The following PPP2CA variants were observed in gnomAD, a reference collection of about 807,000 sequenced individuals.
The protein encoded by PPP2CA is serine/threonine-protein phosphatase 2A catalytic subunit alpha isoform.
PPP2CA carries 5 observed loss-of-function variants against 38.8 expected under a neutral mutation model. That is an observed-to-expected ratio of 0.13 (90% CI 0.07 to 0.27). The LOEUF is 0.27. Among genes scored for constraint, PPP2CA ranks in the 10% least tolerant of loss-of-function variants. The pLI is 1.00. For missense variants in PPP2CA, 88 were observed against 389.7 expected (o/e 0.23, Z 6.52); for synonymous variants, 152 against 134.0 (o/e 1.13, Z -0.93).
chr5:134,220,688 T>C lies in PPP2CA; in HGVS notation c.102+5072A>G, dbSNP rs1237434608. ...TGATAAAAGACCCCACCAAACCCAG[T>C]CTCTTAGTTTTCCTAACTTACCCCT... On this transcript the variant is annotated intron_variant, in intron 1 of 6. Coordinates refer to ENST00000481195, the MANE Select transcript of PPP2CA (RefSeq NM_002715.4). Among the ~76,000 whole-genome samples, 3 of 152,280 alleles carry C rather than the reference T, an allele frequency of 2.0e-5. No individual in the cohort carries two copies. In the East Asian group the frequency reaches 5.8e-4, roughly 29 times the overall value.
At chr5:134,218,864 T>C (rs1246557075) in intron 1 of PPP2CA, among the ~76,000 whole-genome samples, 1 of 151,900 alleles carries the variant, frequency 6.6e-6, no homozygotes, top group African/African-American at 2.4e-5. Flanking sequence ...AGAGACGGGG[T>C]TTCACCGTGC....
chr5:134,225,874 C>T lies in PPP2CA; in HGVS notation c.-13G>A, dbSNP rs1173606839. 26 of 1,602,920 alleles carry T rather than the reference C, an allele frequency of 1.6e-5. No individual in the cohort carries two copies. The highest frequency in any genetic ancestry group is 3.3e-4 in the Middle Eastern group (2 of 6,064). On this transcript the variant is annotated 5_prime_UTR_variant, in exon 1 of 7. Coordinates refer to ENST00000481195, the MANE Select transcript of PPP2CA (RefSeq NM_002715.4). ...CCTTCTCGTCCATGATGCCACCCGC[C>T]CCAGCCGGCTGCCGCTCCGCGCTGC... is the stretch of plus-strand genomic sequence containing the variant.
At position 134,201,986 on chromosome 5, in the gene PPP2CA, C is replaced by G. The variant is rs751813026; in HGVS notation, c.348G>C (p.Gly116=). 6.2e-7 allele frequency: 1 copy of G among 1,612,562 alleles called. No individual in the cohort carries two copies. The highest frequency in any genetic ancestry group is 8.5e-7 in the Non-Finnish European group (1 of 1,179,566). The change falls in exon 3 of 7, where the codon GGG becomes GGC. Residue 116 remains glycine (G), a synonymous_variant. Transcript: ENST00000481195. ...GTGTGATCTGTCTGCTCTCATGATT[C>G]CCTCGAAGAATGGTGATGCGTTCAC... ...RYRERITILR[G]NHESRQITQV...
chr5:134,224,183 A>AC (rs1277036345), intron 1 of PPP2CA: 2 of 430,278 alleles, frequency 4.6e-6, no homozygotes, highest in Non-Finnish European at 9.2e-6. Context: ...CATGTACAGT[A>AC]CCTAGAAATT....
intron 5 of PPP2CA, among the ~76,000 whole-genome samples, chr5:134,199,733 T>C (rs999558654): frequency 4.6e-5 from 7 of 152,170 alleles, no homozygotes; most frequent in Non-Finnish European, 8.8e-5. Flanking sequence ...TTCCTCAAAG[T>C]CCATCCACCT....
chr5:134,225,395 G>C (rs1762548755), intron 1 of PPP2CA: 1 of 211,230 alleles, frequency 4.7e-6, no homozygotes, highest in Non-Finnish European at 9.6e-6. Flanking sequence ...GCCCACCGGA[G>C]AGGCCCAGGC....
chr5:134,223,246 G>T (rs1322102914), intron 1 of PPP2CA, among the ~76,000 whole-genome samples: 4 of 151,896 alleles, frequency 2.6e-5, no homozygotes, highest in Admixed American at 2.6e-4. Flanking sequence ...TCTTTAGAAG[G>T]CAATCACACC....
intron 1 of PPP2CA, among the ~76,000 whole-genome samples, chr5:134,218,985 A>G (rs71587522): frequency 0.031 from 4,678 of 152,216 alleles, 86 homozygotes; most frequent in Non-Finnish European, 0.047. Context: ...GATGGTCTTT[A>G]AGGTTGATTC....
intron 1 of PPP2CA, among the ~76,000 whole-genome samples, chr5:134,213,202 T>C (rs1268016168): frequency 6.6e-6 from 1 of 152,162 alleles, no homozygotes; most frequent in Non-Finnish European, 1.5e-5. Context: ...GGCTGACTCT[T>C]GTTAGAGGCT....
chr5:134,224,180 A>G (rs1253618290), intron 1 of PPP2CA: 4 of 425,858 alleles, frequency 9.4e-6, no homozygotes, highest in South Asian at 1.7e-5. Context: ...CATCATGTAC[A>G]GTACCTAGAA....
chr5:134,224,218 T>A (rs1762509962), intron 1 of PPP2CA: 1 of 448,170 alleles, frequency 2.2e-6, no homozygotes, highest in African/African-American at 2.0e-5. Context: ...TACATTCATT[T>A]TTAAAGGCCA....
chr5:134,213,416 GA>G (rs56697097), intron 1 of PPP2CA, among the ~76,000 whole-genome samples: 10 of 148,092 alleles, frequency 6.8e-5, no homozygotes, highest in Admixed American at 2.0e-4. Context: ...CTACTGCTCA[GA>G]AAAAAAAAAA....
Position 134,196,962 on chromosome 5 carries a change from G to C in PPP2CA, c.*810C>G, listed in dbSNP as rs769903010. On this transcript the variant is annotated 3_prime_UTR_variant, in exon 7 of 7. Transcript: ENST00000481195. ...AAGAATGTCAAGGAGTTACCAGAGAGGTTATGTAGTGCCCTTGATTTTTAT... is the reference window on the plus strand; with the variant it reads ...AAGAATGTCAAGGAGTTACCAGAGACGTTATGTAGTGCCCTTGATTTTTAT... The C allele has an allele frequency of 6.6e-6, 1 of 152,634 alleles. No homozygotes were observed. Among genetic ancestry groups the C allele is most frequent in the African/African-American group, 2.4e-5 (1 of 41,456 alleles). 9.5% of individuals were successfully genotyped at this position (152,634 alleles called of 1,614,324 possible).
At chr5:134,220,208 T>C (rs536744236) in intron 1 of PPP2CA, among the ~76,000 whole-genome samples, 16 of 149,622 alleles carry the variant, frequency 1.1e-4, no homozygotes, top group African/African-American at 3.2e-4. Flanking sequence ...CCTGTAATCC[T>C]AGCACTTTGG....
chr5:134,210,618 T>C (rs2267935), intron 1 of PPP2CA, among the ~76,000 whole-genome samples: 117,578 of 152,068 alleles, frequency 0.77, 45,900 homozygotes, highest in Non-Finnish European at 0.82. Context: ...CCAAGGCAGG[T>C]GGATCATTTG....
chr5:134,219,840 G>A (rs1410628781), intron 1 of PPP2CA, among the ~76,000 whole-genome samples: 1 of 151,494 alleles, frequency 6.6e-6, no homozygotes, highest in Non-Finnish European at 1.5e-5. Context: ...ATGAAACCCT[G>A]TCTCTACTAA....
intron 2 of PPP2CA, among the ~76,000 whole-genome samples, chr5:134,205,006 C>T (rs1313268160): frequency 1.4e-5 from 2 of 146,204 alleles, no homozygotes; most frequent in African/African-American, 5.1e-5. Context: ...AAGATCAAGT[C>T]TCATTGCAGC....
In PPP2CA at chr5:134,202,007, T is replaced by C. The variant is rs1280316602; in HGVS notation, c.327A>G (p.Glu109=). ...LLVALKVRYR[E]RITILRGNHE... Reference sequence around the variant, plus strand: ...GATTCCCTCGAAGAATGGTGATGCGTTCACGGTAACGAACCTAAAACAATA... The same window carrying C: ...GATTCCCTCGAAGAATGGTGATGCGCTCACGGTAACGAACCTAAAACAATA... Residue 109 remains glutamate (E), a synonymous_variant, in exon 3 of 7, where the codon GAA becomes GAG. Coordinates refer to ENST00000481195, the MANE Select transcript of PPP2CA (RefSeq NM_002715.4). 1 of 1,604,042 alleles carries C rather than the reference T, an allele frequency of 6.2e-7. No homozygotes were observed. Among genetic ancestry groups the C allele is most frequent in the South Asian group, 1.1e-5 (1 of 88,754 alleles).
rs10715226 is a variant in PPP2CA, at chr5:134,215,097, C to CT, written c.103-8967dup. On this transcript the variant is annotated intron_variant, in intron 1 of 6. Coordinates refer to ENST00000481195, the MANE Select transcript of PPP2CA (RefSeq NM_002715.4). ...TTGAGAAGTGTCTAATATTTATTTA[C>CT]TTTTTTTTTTTTTTTTTGAGACAAG... is the stretch of plus-strand genomic sequence containing the variant. 2.1e-3 allele frequency among the ~76,000 whole-genome samples: 262 copies of CT among 124,546 alleles called. 3 individuals are homozygous for CT. The East Asian group carries it at 0.021, about 10-fold the overall frequency. The allele number at this position is 124,546 out of a possible 152,430, so 81.7% of individuals were successfully genotyped here. A position where few individuals can be genotyped will look rare whatever the true frequency, so the allele number is the denominator to read the frequency against.
Sources: allele counts gnomAD v4.1 joint callset (sites outside exome capture counted in the v4.1 genomes callset), GRCh38; gene constraint gnomAD v4.1.1; transcripts MANE v1.5; gene names NCBI Gene and HGNC (gene_info 2026-07-23, HGNC 2026-07-21).